Variants in PDE4D observed in about 807,000 individuals in gnomAD.
The protein encoded by PDE4D is phosphodiesterase 4D.
In PDE4D, 24 loss-of-function variants were observed where a neutral mutation model predicts 87.4. That is an observed-to-expected ratio of 0.27 (90% confidence interval 0.20 to 0.39). PDE4D has a LOEUF of 0.39. PDE4D is among the 10% of genes least tolerant of loss of function. The pLI, the probability that PDE4D is intolerant of heterozygous loss-of-function variation, is 1.00. For missense variants in PDE4D, 714 were observed against 1,041.0 expected (o/e 0.69, Z 4.32); for synonymous variants, 384 against 383.2 (o/e 1.00, Z -0.02).
intron 1 of PDE4D, among the ~76,000 whole-genome samples, chr5:59,624,313 T>C (rs532132821): frequency 1.1e-4 from 4 of 37,472 alleles, no homozygotes; most frequent in African/African-American, 3.1e-4. Flanking sequence ...CTTCACATAC[T>C]CCTGCCCCGA....
At chr5:60,077,708 C>G (rs2152901073) in intron 2 of PDE4D, among the ~76,000 whole-genome samples, 1 of 152,332 alleles carries the variant, frequency 6.6e-6, no homozygotes, top group Admixed American at 6.5e-5. Flanking sequence ...ACTATAGGTG[C>G]TCCCACTCCA....
chr5:59,315,704 A>G (rs1382664507), intron 1 of PDE4D, among the ~76,000 whole-genome samples: 1 of 152,146 alleles, frequency 6.6e-6, no homozygotes, highest in Non-Finnish European at 1.5e-5. Flanking sequence ...ATGCACAGTA[A>G]GGGGCAAAAT....
At chr5:59,850,336 A>C (rs115109057) in intron 1 of PDE4D, among the ~76,000 whole-genome samples, 5,106 of 152,128 alleles carry the variant, frequency 0.034, 135 homozygotes, top group African/African-American at 0.065. Flanking sequence ...TCTTGAGTCT[A>C]TGTTTTTAAT....
In PDE4D at chr5:59,031,028, T is replaced by C. The variant is rs532351594; in HGVS notation, c.921+7831A>G. 2.6e-5 allele frequency among the ~76,000 whole-genome samples: 4 copies of C among 152,200 alleles called. No individual in the cohort carries two copies. The South Asian group carries it at 8.3e-4, about 32-fold the overall frequency. ...TCCCACCCGCCAACAGACCCCAGTA[T>C]GTGTTGCTCTCCACCATGTACAATG... is the stretch of plus-strand genomic sequence containing the variant. On this transcript the variant is annotated intron_variant, in intron 6 of 14. Coordinates refer to ENST00000340635, the MANE Select transcript of PDE4D (RefSeq NM_001104631.2).
At chr5:59,925,333 A>G (rs2152782396) in intron 3 of PDE4D, among the ~76,000 whole-genome samples, 1 of 152,302 alleles carries the variant, frequency 6.6e-6, no homozygotes, top group East Asian at 1.9e-4. Context: ...ATATTTCTAA[A>G]CCTTGTAGTA....
chr5:59,183,679 A>G (rs1326984787), intron 4 of PDE4D, among the ~76,000 whole-genome samples: 1 of 152,192 alleles, frequency 6.6e-6, no homozygotes, highest in East Asian at 1.9e-4. Context: ...CAAATCCCCA[A>G]AGCCCAAGGG....
chr5:59,911,274 A>C (rs1458726840), intron 3 of PDE4D, among the ~76,000 whole-genome samples: 4 of 152,116 alleles, frequency 2.6e-5, no homozygotes, highest in African/African-American at 9.7e-5. Context: ...CTATTGTAAA[A>C]CCTAAGATTG....
At chr5:60,104,957 C>T (rs952859881) in intron 2 of PDE4D, among the ~76,000 whole-genome samples, 2 of 152,216 alleles carry the variant, frequency 1.3e-5, no homozygotes, top group Non-Finnish European at 2.9e-5. Flanking sequence ...CAGAGCCCCT[C>T]TCCTCCTCCA....
intron 5 of PDE4D, among the ~76,000 whole-genome samples, chr5:59,086,190 CTA>C (rs1365986717): frequency 6.6e-6 from 1 of 152,122 alleles, no homozygotes; most frequent in Non-Finnish European, 1.5e-5. Flanking sequence ...GTTTCAGAGT[CTA>C]TGCTTTCCAC....
chr5:59,030,444 A>AAAC (rs1319589491), intron 6 of PDE4D, among the ~76,000 whole-genome samples: 2 of 151,216 alleles, frequency 1.3e-5, no homozygotes, highest in South Asian at 2.1e-4. Context: ...AAAAAAAAAA[A>AAAC]AACAATGTTC....
intron 1 of PDE4D, among the ~76,000 whole-genome samples, chr5:59,523,776 C>T (rs1210474234): frequency 6.6e-6 from 1 of 152,178 alleles, no homozygotes; most frequent in Non-Finnish European, 1.5e-5. Flanking sequence ...GGAAAGTCCT[C>T]ATGGGAGGTG....
At chr5:59,282,178 G>A (rs1203332895) in intron 1 of PDE4D, among the ~76,000 whole-genome samples, 5 of 151,976 alleles carry the variant, frequency 3.3e-5, no homozygotes, top group Non-Finnish European at 7.4e-5. Context: ...ATTTAATCAA[G>A]TAGTTCCTAA....
chr5:59,912,267 G>A (rs1368907243), intron 3 of PDE4D, among the ~76,000 whole-genome samples: 2 of 152,274 alleles, frequency 1.3e-5, no homozygotes, highest in Non-Finnish European at 2.9e-5. Flanking sequence ...GAATGAATAT[G>A]ATCAGCTTAT....
At chr5:60,115,677 G>A (rs1326362290) in intron 2 of PDE4D, among the ~76,000 whole-genome samples, 2 of 151,954 alleles carry the variant, frequency 1.3e-5, no homozygotes, top group African/African-American at 4.8e-5. Flanking sequence ...TTAAATTCAC[G>A]ACTCTTTGTG....
At chr5:60,070,867 G>A (rs1005701298) in intron 2 of PDE4D, among the ~76,000 whole-genome samples, 1 of 151,928 alleles carries the variant, frequency 6.6e-6, no homozygotes, top group African/African-American at 2.4e-5. Flanking sequence ...ACTAGTTATA[G>A]GTCTGTTCGG....
chr5:59,897,272 C>T (rs1751757460), upstream of PDE4D, among the ~76,000 whole-genome samples: 1 of 152,064 alleles, frequency 6.6e-6, no homozygotes, highest in Admixed American at 6.6e-5. Flanking sequence ...CAATGTGCTG[C>T]TGGGCAATTA....
intron 1 of PDE4D, among the ~76,000 whole-genome samples, chr5:59,615,705 T>A (rs1016508028): frequency 6.6e-6 from 1 of 152,190 alleles, no homozygotes; most frequent in Non-Finnish European, 1.5e-5. Context: ...GCTGGGGTAA[T>A]CTGATCTCCT....
intron 1 of PDE4D, among the ~76,000 whole-genome samples, chr5:59,390,315 G>A (rs935167731): frequency 6.6e-6 from 1 of 152,094 alleles, no homozygotes; most frequent in African/African-American, 2.4e-5. Context: ...TTTCTAAAGT[G>A]TTCTCTTCCC....
intron 2 of PDE4D, among the ~76,000 whole-genome samples, chr5:59,989,031 T>A (rs1762736663): frequency 6.7e-6 from 1 of 149,876 alleles, no homozygotes; most frequent in Non-Finnish European, 1.5e-5. Flanking sequence ...TTTTTATAAC[T>A]TCTATGAAAT....
Sources: gnomAD v4.1 joint callset for allele counts (sites outside exome capture counted in the v4.1 genomes callset) on GRCh38, gnomAD v4.1.1 for gene constraint, MANE v1.5 for transcripts, NCBI Gene and HGNC (gene_info 2026-07-23, HGNC 2026-07-21) for gene names.